The following THADA variants were observed in gnomAD, a reference collection of about 807,000 sequenced individuals.
The protein encoded by THADA is THADA armadillo repeat containing.
Under a neutral mutation model 219.8 loss-of-function variants are expected in THADA, and 213 were observed. The observed-to-expected ratio is 0.97, with a 90% CI of 0.87 to 1.09. The LOEUF is 1.09. Ranked by LOEUF, THADA falls within the 50% of genes least tolerant of loss-of-function variation. The probability of loss-of-function intolerance (pLI) is 0.00; values close to 1 mark genes in which losing one functional copy is unlikely to be tolerated. For synonymous variants in THADA, 1,018 were observed against 828.9 expected (o/e 1.23, Z -3.92); for missense variants, 2,956 against 2,311.3 (o/e 1.28, Z -5.72).
At chr2:43,513,743 T>C (rs1690804346) in intron 22 of THADA, among the ~76,000 whole-genome samples, 1 of 152,098 alleles carries the variant, frequency 6.6e-6, no homozygotes, top group Non-Finnish European at 1.5e-5. Flanking sequence ...AAATTCAAAA[T>C]ATAGAAATAA....
At position 43,292,167 on chromosome 2, in the gene THADA, T is replaced by A; in HGVS notation, c.4874A>T (p.His1625Leu). The A allele has an allele frequency of 6.2e-7, 1 of 1,612,456 alleles. No individual in the cohort carries two copies. The highest frequency in any genetic ancestry group is 8.5e-7 in the Non-Finnish European group (1 of 1,179,344). Residue 1625 changes from histidine (H) to leucine (L), a missense_variant, in exon 33 of 38, where the codon CAC becomes CTC. By Grantham distance (99) the His-to-Leu change is moderately conservative. Transcript: ENST00000405975. ...CTCCTTTGGGGTCAGATGGACACAG[T>A]GCTCCGTCTGGGGAAGCCACTCACC... The part of the protein sequence containing the change: ...DPGEWLPQTE[H>L]CVHLTPKEFL...
At chr2:43,595,493 G>T (rs543668160) in intron 1 of THADA, among the ~76,000 whole-genome samples, 4 of 152,306 alleles carry the variant, frequency 2.6e-5, no homozygotes, top group African/African-American at 7.2e-5. Context: ...GCAATTCTGA[G>T]GGCTACACAA....
At chr2:43,575,119 A>G (rs1699721646) in intron 10 of THADA, 92 bp from the exon 11 acceptor site, 2 of 1,011,696 alleles carry the variant, frequency 2.0e-6, no homozygotes, top group East Asian at 5.4e-5. Context: ...AATATTAAAT[A>G]CACAGAATGA....
chr2:43,232,677 A>G (rs949588654), intron 37 of THADA, 36 bp downstream of exon 37: 1 of 1,609,586 alleles, frequency 6.2e-7, no homozygotes, highest in Non-Finnish European at 8.5e-7. Flanking sequence ...GGACACTCCA[A>G]CCCTGCCTCC....
intron 24 of THADA, among the ~76,000 whole-genome samples, chr2:43,502,822 A>G (rs1689174109): frequency 6.6e-6 from 1 of 151,994 alleles, no homozygotes; most frequent in African/African-American, 2.4e-5. Flanking sequence ...ATCAAAAAGA[A>G]ATCAATATCA....
intron 36 of THADA, among the ~76,000 whole-genome samples, chr2:43,259,296 A>G (rs1670678838): frequency 6.6e-6 from 1 of 152,228 alleles, no homozygotes; most frequent in Admixed American, 6.5e-5. Flanking sequence ...AGACTACTAA[A>G]TTCAGAGCTA....
intron 28 of THADA, among the ~76,000 whole-genome samples, chr2:43,403,011 C>G (rs1325669942): frequency 6.6e-6 from 1 of 152,218 alleles, no homozygotes; most frequent in Non-Finnish European, 1.5e-5. Flanking sequence ...TGTGCCAGGA[C>G]TGGCTATGTG....
chr2:43,331,529 G>A (rs960769789), intron 30 of THADA, among the ~76,000 whole-genome samples: 1 of 152,162 alleles, frequency 6.6e-6, no homozygotes, highest in Non-Finnish European at 1.5e-5. Flanking sequence ...ATATTCCTCT[G>A]GCTGACATCT....
At chr2:43,322,175 AG>A (rs1413641110) in intron 30 of THADA, among the ~76,000 whole-genome samples, 8 of 151,836 alleles carry the variant, frequency 5.3e-5, no homozygotes, top group Non-Finnish European at 1.0e-4. Context: ...CTGGGATTAC[AG>A]GGGGTAAGAC....
chr2:43,252,428 A>G (rs1376507324), intron 36 of THADA, among the ~76,000 whole-genome samples: 1 of 152,220 alleles, frequency 6.6e-6, no homozygotes, highest in East Asian at 1.9e-4. Context: ...TATATTAATT[A>G]TAATGACCTT....
chr2:43,311,341 G>A (rs916886270), intron 31 of THADA, among the ~76,000 whole-genome samples: 1 of 152,162 alleles, frequency 6.6e-6, no homozygotes, highest in Admixed American at 6.5e-5. Flanking sequence ...CACTAGGATG[G>A]CTATTAATAA....
At chr2:43,528,344 G>A (rs1302420721) in intron 21 of THADA, among the ~76,000 whole-genome samples, 3 of 152,124 alleles carry the variant, frequency 2.0e-5, no homozygotes, top group East Asian at 3.9e-4. Flanking sequence ...TGGCCAGGCT[G>A]GTCTCTAACT....
intron 31 of THADA, among the ~76,000 whole-genome samples, chr2:43,308,952 A>C (rs1042133056): frequency 6.6e-6 from 1 of 152,116 alleles, no homozygotes; most frequent in Non-Finnish European, 1.5e-5. Context: ...AGTCTAAAAC[A>C]CACAAAAAAA....
intron 29 of THADA, among the ~76,000 whole-genome samples, chr2:43,354,301 G>GCTCTAT (rs1438253837): frequency 6.6e-6 from 1 of 151,566 alleles, no homozygotes; most frequent in Non-Finnish European, 1.5e-5. Flanking sequence ...ATATTTATAG[G>GCTCTAT]GTACATAAGA....
At position 43,281,603 on chromosome 2, in the gene THADA, G is replaced by A. The variant is rs370885254; in HGVS notation, c.5165-1707C>T. ...ATTATAGGTATGCACCACCACACCC[G>A]GCTAATTTTGTATTTTTAGTAGGGA... On this transcript the variant is annotated intron_variant, in intron 35 of 37. Transcript: ENST00000405975. Among the ~76,000 whole-genome samples the A allele has an allele frequency of 7.0e-4, 106 of 151,714 alleles. 1 individual carries two copies. The East Asian group carries it at 0.01, about 15-fold the overall frequency.
At chr2:43,505,784 C>T (rs769835233) in intron 23 of THADA, 49 bp from the exon 24 acceptor site, 1 of 1,319,844 alleles carries the variant, frequency 7.6e-7, no homozygotes. Flanking sequence ...TTTACATATA[C>T]TTGTTTGCTG....
chr2:43,235,999 C>CG (rs1392320142), intron 36 of THADA, among the ~76,000 whole-genome samples: 2 of 151,976 alleles, frequency 1.3e-5, no homozygotes, highest in Non-Finnish European at 2.9e-5. Flanking sequence ...TTAATAGAGA[C>CG]GGGGTTTCAC....
rs1257621847 is a variant in THADA, at chr2:43,581,744, C to G, written c.718G>C (p.Asp240His). The change falls in exon 8 of 38, where the codon GAT becomes CAT. Residue 240 changes from aspartate to histidine, a missense_variant. Asp to His is a moderately conservative substitution (Grantham distance 81). Transcript: ENST00000405975. ...LLSIFTKVLS[D>H]DDLLQTVQST... ...GTATATAATTTGTTACACTTACCAT[C>G]GCTTAAAACCTTGGTAAAAATACTC... 1.9e-6 allele frequency: 3 copies of G among 1,607,164 alleles called. No individual in the cohort carries two copies. Among genetic ancestry groups the G allele is most frequent in the Non-Finnish European group, 2.5e-6 (3 of 1,178,316 alleles).
chr2:43,460,450 A>G (rs1389983177), intron 26 of THADA, among the ~76,000 whole-genome samples: 1 of 152,054 alleles, frequency 6.6e-6, no homozygotes, highest in Non-Finnish European at 1.5e-5. Context: ...CATCTCCACT[A>G]CCAAGTTGAA....
Sources: allele counts gnomAD v4.1 joint callset (sites outside exome capture counted in the v4.1 genomes callset), GRCh38; gene constraint gnomAD v4.1.1; transcripts MANE v1.5; gene names NCBI Gene and HGNC (gene_info 2026-07-23, HGNC 2026-07-21).